The following SPIC variants were observed in gnomAD, a reference collection of about 807,000 sequenced individuals.
SPIC encodes Spi-C transcription factor, also known as transcription factor Spi-C.
Under a neutral mutation model 16.7 loss-of-function variants are expected in SPIC, and 9 were observed. That is an observed-to-expected ratio of 0.54 (90% confidence interval 0.33 to 0.94). SPIC has a LOEUF of 0.94. Among genes scored for constraint, SPIC ranks in the 40% least tolerant of loss-of-function variants. The pLI, the probability that SPIC is intolerant of heterozygous loss-of-function variation, is 0.03. For synonymous variants in SPIC, 97 were observed against 102.9 expected, an observed-to-expected ratio of 0.94 and a Z score of 0.35; for missense variants, 241 against 285.8, an observed-to-expected ratio of 0.84 and a Z score of 1.13.
chr12:101,476,680 A>G, intron 1 of SPIC, 148 bp from the exon 2 acceptor site: 1 of 331,964 alleles, frequency 3.0e-6, no homozygotes. Context: ...AATTTCGTAG[A>G]AAAAAATTTG....
intron 5 of SPIC, 43 bp downstream of exon 5, chr12:101,482,943 T>G (rs376578162): frequency 3.3e-5 from 50 of 1,529,318 alleles, no homozygotes; most frequent in Admixed American, 1.1e-4. Flanking sequence ...AAGAACCAGA[T>G]CTTCCTCATA....
chr12:101,482,113 G>A (rs927030953), intron 4 of SPIC, among the ~76,000 whole-genome samples: 20 of 150,078 alleles, frequency 1.3e-4, no homozygotes, highest in African/African-American at 3.9e-4. Flanking sequence ...ATGGTGGCAC[G>A]CCCAGCTACT....
rs1268210309 is a variant in SPIC, at chr12:101,482,878, T to A, written c.297T>A (p.Leu99=). 1.9e-6 allele frequency: 3 copies of A among 1,613,768 alleles called. No individual in the cohort carries two copies. In the African/African-American group the frequency reaches 4.0e-5, roughly 22 times the overall value. Residue 99 remains leucine (L), a synonymous_variant, in exon 5 of 6, where the codon CTT becomes CTA. Transcript: ENST00000551346. ...AAAACCAGCTGGTACAACCCACTCT[T>A]CTCCAGCAAAAGGGGGGAAAAGGTA... The part of the protein sequence containing the change: ...ITENQLVQPT[L]LQQKGGKGRK...
intron 5 of SPIC, among the ~76,000 whole-genome samples, chr12:101,484,670 T>C (rs897292699): frequency 4.0e-5 from 6 of 150,230 alleles, no homozygotes; most frequent in African/African-American, 1.5e-4. Flanking sequence ...AGGCCAGGCA[T>C]GGTTAAAAAA....
intron 2 of SPIC, 46 bp downstream of exon 2, chr12:101,476,953 C>T: frequency 7.5e-7 from 1 of 1,325,554 alleles, no homozygotes; most frequent in Non-Finnish European, 1.0e-6. Context: ...CACAGAGGAG[C>T]TCTACAGCAT....
In SPIC at chr12:101,486,346, A is replaced by G; in HGVS notation, c.322A>G (p.Arg108Gly). 6.3e-7 allele frequency: 1 copy of G among 1,599,230 alleles called. No individual in the cohort carries two copies. The highest frequency in any genetic ancestry group is 1.8e-5 in the Admixed American group (1 of 57,142). Reference protein sequence around the residue: ...TLLQQKGGKGRKKLRLFEYLH... With the variant: ...TLLQQKGGKGGKKLRLFEYLH... ...GACCTTGTTTCCCTTCATTTTAGGC[A>G]GGAAGAAGCTCCGACTGTTTGAATA... The change falls in exon 6 of 6, where the codon AGG (arginine) becomes GGG (glycine). Residue 108 changes from arginine to glycine, a missense_variant and splice_region_variant. By Grantham distance (125) the Arg-to-Gly change is moderately radical. Coordinates refer to ENST00000551346, the MANE Select transcript of SPIC (RefSeq NM_152323.3).
intron 4 of SPIC, among the ~76,000 whole-genome samples, chr12:101,481,056 A>T (rs1339507642): frequency 6.6e-6 from 1 of 152,154 alleles, no homozygotes; most frequent in African/African-American, 2.4e-5. Context: ...TGGGGTGTGG[A>T]AAGACAGCTC....
chr12:101,483,124 G>C lies in SPIC; in HGVS notation c.319+224G>C, dbSNP rs138253145. On this transcript the variant is annotated intron_variant, in intron 5 of 5. Coordinates refer to ENST00000551346, the MANE Select transcript of SPIC (RefSeq NM_152323.3). Reference sequence around the variant, plus strand: ...TTTTTCTGAGACAGAGTCTCACTCTGTTGTCCAGGCTGGGTCTGAAACTCC... The same window carrying C: ...TTTTTCTGAGACAGAGTCTCACTCTCTTGTCCAGGCTGGGTCTGAAACTCC... Among the ~76,000 whole-genome samples, 864 of 134,648 alleles carry C rather than the reference G, an allele frequency of 6.4e-3. 2 individuals carry two copies. In the Middle Eastern group the frequency reaches 0.08, roughly 12 times the overall value. 88.3% of individuals were successfully genotyped at this position (134,648 alleles called of 152,430 possible). A position where few individuals can be genotyped will look rare whatever the true frequency, so the allele number is the denominator to read the frequency against.
intron 2 of SPIC, 72 bp from the exon 3 acceptor site, chr12:101,477,486 C>A: frequency 7.2e-7 from 1 of 1,389,234 alleles, no homozygotes; most frequent in Non-Finnish European, 1.0e-6. Flanking sequence ...AGACTAAATA[C>A]TATTTTAAAT....
chr12:101,486,981 A>G lies in SPIC; in HGVS notation c.*210A>G, dbSNP rs1195836657. On this transcript the variant is annotated 3_prime_UTR_variant, in exon 6 of 6. Transcript: ENST00000551346. ...ACTTGTTGGGAAATTCTGCCAATGA[A>G]CAACTTTTTTATAATACTTTGTGAA... The G allele has an allele frequency of 5.5e-6, 2 of 362,332 alleles. No individual in the cohort carries two copies. Among genetic ancestry groups the G allele is most frequent in the Non-Finnish European group, 9.8e-6 (2 of 203,514 alleles). The allele number at this position is 362,332 out of a possible 1,614,324, so 22.4% of individuals were successfully genotyped here. A position where few individuals can be genotyped will look rare whatever the true frequency, so the allele number is the denominator to read the frequency against.
At chr12:101,486,310 C>A (rs376878894) in intron 5 of SPIC, 34 bp from the exon 6 acceptor site, 2 of 1,568,188 alleles carry the variant, frequency 1.3e-6, no homozygotes, top group Non-Finnish European at 1.7e-6. Flanking sequence ...TTTACAGCCA[C>A]GGTGGAGTTT....
At chr12:101,482,726 C>T (rs1873243609) in intron 4 of SPIC, 66 bp from the exon 5 acceptor site, 10 of 1,461,036 alleles carry the variant, frequency 6.8e-6, no homozygotes, top group East Asian at 2.3e-5. Context: ...TAACTTTTGA[C>T]TTCAGCCTAT....
intron 4 of SPIC, among the ~76,000 whole-genome samples, chr12:101,482,232 C>CAAA (rs563196977): frequency 3.0e-5 from 4 of 131,320 alleles, no homozygotes; most frequent in African/African-American, 8.3e-5. Context: ...AACTCTGTCT[C>CAAA]AAAAAAAAAA....
intron 3 of SPIC, 82 bp from the exon 4 acceptor site, chr12:101,479,499 TA>T: frequency 9.9e-7 from 1 of 1,014,360 alleles, no homozygotes; most frequent in Non-Finnish European, 1.5e-6. Flanking sequence ...ATTGCATCTA[TA>T]AGTGCATATA....
rs1455116136 is a variant in SPIC at position 101,477,587 on chromosome 12, A to G, written c.33A>G (p.Gln11=). MTCVEQDKLG[Q]AFEDAFEVLR... Reference sequence around the variant, plus strand: ...GTGTTGAACAAGACAAGCTGGGTCAAGCATTTGAAGATGCTTTTGAGGTTC... The same window carrying G: ...GTGTTGAACAAGACAAGCTGGGTCAGGCATTTGAAGATGCTTTTGAGGTTC... The change falls in exon 3 of 6, where the codon CAA becomes CAG. Residue 11 remains glutamine (Q), a synonymous_variant. Coordinates refer to ENST00000551346, the MANE Select transcript of SPIC (RefSeq NM_152323.3). The G allele has an allele frequency of 6.2e-7, 1 of 1,614,096 alleles. No individual in the cohort carries two copies. The highest frequency in any genetic ancestry group is 8.5e-7 in the Non-Finnish European group (1 of 1,180,014).
At chr12:101,482,432 C>T (rs1873232607) in intron 4 of SPIC, among the ~76,000 whole-genome samples, 1 of 152,054 alleles carries the variant, frequency 6.6e-6, no homozygotes, top group African/African-American at 2.4e-5. Context: ...TTCCCAGCTG[C>T]CTACTGACAT....
chr12:101,479,820 T>TTC (rs1489874743), intron 4 of SPIC, 126 bp downstream of exon 4: 3 of 379,284 alleles, frequency 7.9e-6, no homozygotes, highest in African/African-American at 6.4e-5. Context: ...TTTTCTTTCT[T>TTC]TTTTTTTTTT....
At chr12:101,486,076 C>G (rs1873355911) in intron 5 of SPIC, among the ~76,000 whole-genome samples, 1 of 152,236 alleles carries the variant, frequency 6.6e-6, no homozygotes, top group South Asian at 2.1e-4. Flanking sequence ...GCTGGGACTA[C>G]AGGCGTGAGC....
At chr12:101,480,211 T>G (rs1257311137) in intron 4 of SPIC, among the ~76,000 whole-genome samples, 1 of 152,202 alleles carries the variant, frequency 6.6e-6, no homozygotes. Flanking sequence ...CCTTCATCAT[T>G]GCTCTCTACT....
Sources: allele counts gnomAD v4.1 joint callset (sites outside exome capture counted in the v4.1 genomes callset), GRCh38; gene constraint gnomAD v4.1.1; transcripts MANE v1.5; gene names NCBI Gene and HGNC (gene_info 2026-07-23, HGNC 2026-07-21).